The following GRIN2B variants were observed in gnomAD, a reference collection of about 807,000 sequenced individuals.
GRIN2B encodes the protein glutamate ionotropic receptor NMDA type subunit 2B, also known as glutamate receptor ionotropic, NMDA 2B.
GRIN2B carries 5 observed loss-of-function variants against 114.5 expected under a neutral mutation model. The observed-to-expected ratio is 0.04, with a 90% CI of 0.02 to 0.09. The LOEUF (loss-of-function observed/expected upper bound fraction) is 0.09. Among genes scored for constraint, GRIN2B ranks in the 10% least tolerant of loss-of-function variants. The pLI, the probability that GRIN2B is intolerant of heterozygous loss-of-function variation, is 1.00. For missense variants in GRIN2B, 1,108 were observed against 1,943.5 expected, an observed-to-expected ratio of 0.57 and a Z score of 8.08; for synonymous variants, 787 against 745.1, an observed-to-expected ratio of 1.06 and a Z score of -0.92.
intron 2 of GRIN2B, among the ~76,000 whole-genome samples, chr12:13,936,645 C>G (rs1037112979): frequency 1.3e-5 from 2 of 151,814 alleles, no homozygotes; most frequent in African/African-American, 2.4e-5. Context: ...TCCAAAATGC[C>G]CAGTATTTAA....
At chr12:13,929,047 A>T (rs1866970476) in intron 2 of GRIN2B, among the ~76,000 whole-genome samples, 1 of 152,256 alleles carries the variant, frequency 6.6e-6, no homozygotes, top group Non-Finnish European at 1.5e-5. Flanking sequence ...TAAAATATTA[A>T]GAAACATGTT....
chr12:13,736,936 A>G (rs890329930), intron 4 of GRIN2B, among the ~76,000 whole-genome samples: 1 of 149,762 alleles, frequency 6.7e-6, no homozygotes, highest in Non-Finnish European at 1.5e-5. Context: ...AGGCTGAGGC[A>G]GGAGAATAGC....
intron 4 of GRIN2B, chr12:13,683,990 C>T (rs1461159970): frequency 6.6e-6 from 1 of 152,208 alleles, no homozygotes; most frequent in East Asian, 1.9e-4. Flanking sequence ...TTAGTTGAGT[C>T]TGGGTCTCCT....
At position 13,710,664 on chromosome 12, in the gene GRIN2B, A is replaced by G. The variant is rs1465026180; in HGVS notation, c.1011-34805T>C. ...AGAGAATAAAATACCTAGGAATCCAACTTACAAGGGACGTGAAGGACCTCT... is the reference window on the plus strand; with the variant it reads ...AGAGAATAAAATACCTAGGAATCCAGCTTACAAGGGACGTGAAGGACCTCT... On this transcript the variant is annotated intron_variant, in intron 4 of 13. Coordinates refer to ENST00000609686, the MANE Select transcript of GRIN2B (RefSeq NM_000834.5). Among the ~76,000 whole-genome samples the G allele has an allele frequency of 5.3e-5, 8 of 152,216 alleles. No individual in the cohort carries two copies. In the South Asian group the frequency reaches 1.5e-3, roughly 28 times the overall value.
At chr12:13,923,847 ATGGATG>A (rs1866867045) in intron 2 of GRIN2B, among the ~76,000 whole-genome samples, 1 of 152,110 alleles carries the variant, frequency 6.6e-6, no homozygotes, top group Admixed American at 6.5e-5. Flanking sequence ...CTCAGCCCAA[ATGGATG>A]TTTCTACCAT....
intron 5 of GRIN2B, among the ~76,000 whole-genome samples, chr12:13,629,237 A>G (rs1271120647): frequency 6.6e-6 from 1 of 152,234 alleles, no homozygotes; most frequent in Non-Finnish European, 1.5e-5. Flanking sequence ...AGATAAGAAT[A>G]TCTGTAAAGA....
At chr12:13,586,879 T>G (rs1016868387) in intron 10 of GRIN2B, among the ~76,000 whole-genome samples, 1 of 152,244 alleles carries the variant, frequency 6.6e-6, no homozygotes, top group Admixed American at 6.5e-5. Context: ...TGCCTTATGC[T>G]GTGGACACTA....
chr12:13,642,041 T>C (rs1484505447), intron 5 of GRIN2B, among the ~76,000 whole-genome samples: 2 of 151,854 alleles, frequency 1.3e-5, no homozygotes, highest in Non-Finnish European at 2.9e-5. Flanking sequence ...TACAAAAAAT[T>C]AGCTGGGCAT....
chr12:13,717,066 C>CGTGTGT (rs56360153), intron 4 of GRIN2B, among the ~76,000 whole-genome samples: 18,134 of 145,860 alleles, frequency 0.12, 1,436 homozygotes, highest in Non-Finnish European at 0.18. Flanking sequence ...ATGCCATACG[C>CGTGTGT]GTGTGTGTGT....
chr12:13,790,943 C>T (rs767495687), intron 3 of GRIN2B, among the ~76,000 whole-genome samples: 9 of 152,016 alleles, frequency 5.9e-5, no homozygotes, highest in East Asian at 1.9e-4. Context: ...GTGGGAGTGA[C>T]GAGGCTGGAA....
rs1222163958 is a variant in GRIN2B at position 13,544,410 on chromosome 12, C to T, written c.*18373G>A. ...CTCAGTCTAGAGAATCCTCTTCTGT[C>T]GCTACTCATTCTCTAGTTCCAGTAT... is the stretch of plus-strand genomic sequence containing the variant. On this transcript the variant is annotated 3_prime_UTR_variant, in exon 14 of 14. Transcript: ENST00000609686. The T allele has an allele frequency of 2.0e-5, 3 of 152,216 alleles. No individual in the cohort carries two copies. The highest frequency in any genetic ancestry group is 4.1e-4 in the South Asian group (2 of 4,826). The allele number at this position is 152,216 out of a possible 1,614,324, so 9.4% of individuals were successfully genotyped here. A position where few individuals can be genotyped will look rare whatever the true frequency, so the allele number is the denominator to read the frequency against.
At chr12:13,808,279 T>C (rs538025200) in intron 3 of GRIN2B, among the ~76,000 whole-genome samples, 1 of 152,216 alleles carries the variant, frequency 6.6e-6, no homozygotes, top group Admixed American at 6.5e-5. Context: ...ACTTTGAGTT[T>C]GCTAGTAAGA....
At chr12:13,605,734 C>T (rs938984955) in intron 10 of GRIN2B, among the ~76,000 whole-genome samples, 2 of 152,052 alleles carry the variant, frequency 1.3e-5, no homozygotes, top group African/African-American at 4.8e-5. Context: ...AAACTATCTT[C>T]CTCCATCTCA....
chr12:13,605,344 T>C (rs1379798974), intron 10 of GRIN2B, among the ~76,000 whole-genome samples: 6 of 151,936 alleles, frequency 3.9e-5, no homozygotes, highest in Admixed American at 3.9e-4. Context: ...CAGTAGGAGT[T>C]TGATGAGTGA....
At chr12:13,648,793 A>C (rs1949787515) in intron 5 of GRIN2B, among the ~76,000 whole-genome samples, 1 of 152,018 alleles carries the variant, frequency 6.6e-6, no homozygotes, top group Admixed American at 6.6e-5. Flanking sequence ...GTTAAGGAAT[A>C]CTAAATTACA....
intron 10 of GRIN2B, among the ~76,000 whole-genome samples, chr12:13,604,340 CT>C (rs754195477): frequency 5.9e-5 from 9 of 152,300 alleles, no homozygotes; most frequent in Non-Finnish European, 1.2e-4. Flanking sequence ...AAATTTAACT[CT>C]CGTTTTCTAC....
intron 5 of GRIN2B, among the ~76,000 whole-genome samples, chr12:13,662,276 C>T (rs2300239): frequency 0.46 from 69,304 of 151,962 alleles, 16,587 homozygotes; most frequent in African/African-American, 0.59. Context: ...CTCCTGTGGC[C>T]TCAAAGTGGG....
At chr12:13,877,528 T>C (rs1405966447) in intron 2 of GRIN2B, among the ~76,000 whole-genome samples, 1 of 152,212 alleles carries the variant, frequency 6.6e-6, no homozygotes, top group Non-Finnish European at 1.5e-5. Flanking sequence ...AAGTTGAAGC[T>C]TTACTCTTTA....
chr12:13,734,335 G>A (rs1863144935), intron 4 of GRIN2B, among the ~76,000 whole-genome samples: 1 of 152,148 alleles, frequency 6.6e-6, no homozygotes, highest in Admixed American at 6.5e-5. Flanking sequence ...CACTGTGCAG[G>A]GTGATGGGCG....
Sources: gnomAD v4.1 joint callset for allele counts (sites outside exome capture counted in the v4.1 genomes callset) on GRCh38, gnomAD v4.1.1 for gene constraint, MANE v1.5 for transcripts, NCBI Gene and HGNC (gene_info 2026-07-23, HGNC 2026-07-21) for gene names.